The following MACROD1 variants were observed in gnomAD, a reference collection of about 807,000 sequenced individuals.
MACROD1 encodes the protein ADP-ribose glycohydrolase MACROD1.
A neutral mutation model predicts 41.4 loss-of-function variants in MACROD1; 31 were observed. The observed-to-expected ratio is 0.75, with a 90% CI of 0.56 to 1.01. MACROD1 has a LOEUF of 1.01. Ranked by LOEUF, MACROD1 falls within the 50% of genes least tolerant of loss-of-function variation. The pLI is 0.00. For synonymous variants in MACROD1, 252 were observed against 203.4 expected, an observed-to-expected ratio of 1.24 and a Z score of -2.03; for missense variants, 473 against 460.0, an observed-to-expected ratio of 1.03 and a Z score of -0.26.
chr11:64,092,605 CTCAT>C (rs1196963583), intron 3 of MACROD1, among the ~76,000 whole-genome samples: 1 of 152,274 alleles, frequency 6.6e-6, no homozygotes, highest in African/African-American at 2.4e-5. Flanking sequence ...CACTCCCACT[CTCAT>C]TCAGCCCTCA....
intron 3 of MACROD1, among the ~76,000 whole-genome samples, chr11:64,025,226 C>T (rs955242473): frequency 1.3e-5 from 2 of 152,164 alleles, no homozygotes; most frequent in Non-Finnish European, 2.9e-5. Flanking sequence ...TCAAAGTACT[C>T]AGATTACAGG....
intron 3 of MACROD1, among the ~76,000 whole-genome samples, chr11:64,135,614 G>A (rs1945321432): frequency 1.3e-5 from 2 of 152,230 alleles, no homozygotes. Context: ...AACATTTAGG[G>A]AGGAGGAAAA....
At chr11:64,027,044 G>A (rs1943232663) in intron 3 of MACROD1, among the ~76,000 whole-genome samples, 1 of 152,232 alleles carries the variant, frequency 6.6e-6, no homozygotes. Flanking sequence ...GACCTCATTT[G>A]CTTTGTACAT....
At chr11:64,066,294 C>CA (rs59963244) in intron 3 of MACROD1, among the ~76,000 whole-genome samples, 1,665 of 50,386 alleles carry the variant, frequency 0.033, 32 homozygotes, top group Non-Finnish European at 0.041. Flanking sequence ...GAGACTGTCT[C>CA]AAAAAAAAAA....
chr11:64,069,648 T>C (rs1565218407), intron 3 of MACROD1, among the ~76,000 whole-genome samples: 1 of 151,866 alleles, frequency 6.6e-6, no homozygotes, highest in African/African-American at 2.4e-5. Context: ...ATCCTGGGCA[T>C]GGGGAGGCAG....
At chr11:64,154,649 G>A (rs1219898942) in intron 1 of MACROD1, among the ~76,000 whole-genome samples, 2 of 152,182 alleles carry the variant, frequency 1.3e-5, no homozygotes, top group African/African-American at 4.8e-5. Context: ...CAGCCAGGCT[G>A]CTTCCTGCCC....
At chr11:64,040,734 T>C (rs1943468723) in intron 3 of MACROD1, among the ~76,000 whole-genome samples, 1 of 152,052 alleles carries the variant, frequency 6.6e-6, no homozygotes, top group Non-Finnish European at 1.5e-5. Context: ...GCAGAAACCC[T>C]CCCCAGCCCT....
chr11:64,068,329 G>GC lies in MACROD1; in HGVS notation c.518-53049_518-53048insG, dbSNP rs1383235040. Among the ~76,000 whole-genome samples the GC allele has an allele frequency of 1.8e-4, 27 of 152,310 alleles. No homozygotes were observed. The East Asian group carries it at 4.4e-3, about 25-fold the overall frequency. ...CGCCTGTCCCACTCTTCCGCCTTTG[G>GC]GGACAGTGATGCCTACCAGGCCCTG... On this transcript the variant is annotated intron_variant, in intron 3 of 10. Transcript: ENST00000255681.
At chr11:64,068,321 C>T (rs963811105) in intron 3 of MACROD1, among the ~76,000 whole-genome samples, 5 of 152,238 alleles carry the variant, frequency 3.3e-5, no homozygotes, top group East Asian at 1.9e-4. Context: ...CCCACTCTTC[C>T]GCCTTTGGGG....
chr11:64,021,039 C>T (rs1943146088), intron 3 of MACROD1, among the ~76,000 whole-genome samples: 1 of 152,180 alleles, frequency 6.6e-6, no homozygotes, highest in African/African-American at 2.4e-5. Flanking sequence ...TCTTGATACC[C>T]CCACTCCTGC....
rs570921814 is a variant in MACROD1, at chr11:64,086,185, C to A, written c.517+65054G>T. Reference sequence around the variant, plus strand: ...AGCCGGGACTCAACAGTGGGATCCCCCAGGGCTGGAGTGGGGAGGAGGGGC... The same window carrying A: ...AGCCGGGACTCAACAGTGGGATCCCACAGGGCTGGAGTGGGGAGGAGGGGC... On this transcript the variant is annotated intron_variant, in intron 3 of 10. Coordinates refer to ENST00000255681, the MANE Select transcript of MACROD1 (RefSeq NM_014067.4). 1.2e-3 allele frequency among the ~76,000 whole-genome samples: 177 copies of A among 152,284 alleles called. No individual in the cohort carries two copies. In the Middle Eastern group the frequency reaches 0.024, roughly 20 times the overall value.
intron 4 of MACROD1, among the ~76,000 whole-genome samples, chr11:64,002,846 C>T (rs1251428777): frequency 6.6e-6 from 1 of 152,196 alleles, no homozygotes; most frequent in Non-Finnish European, 1.5e-5. Context: ...TCCCTCTTCC[C>T]TCTTCCCACC....
chr11:64,157,306 C>G (rs1336514956), intron 1 of MACROD1, among the ~76,000 whole-genome samples: 4 of 152,146 alleles, frequency 2.6e-5, no homozygotes, highest in African/African-American at 9.7e-5. Flanking sequence ...GTTGCCCAAG[C>G]TGGTCGTGAA....
intron 3 of MACROD1, chr11:64,116,685 C>T (rs751831209): frequency 1.4e-5 from 23 of 1,613,774 alleles, no homozygotes; most frequent in South Asian, 1.2e-4. Flanking sequence ...CAACAATGTG[C>T]GCACCATTGC....
At chr11:64,055,403 G>A (rs1943766522) in intron 3 of MACROD1, among the ~76,000 whole-genome samples, 1 of 152,246 alleles carries the variant, frequency 6.6e-6, no homozygotes, top group South Asian at 2.1e-4. Flanking sequence ...AACGATGGGG[G>A]ATGGGTGCTT....
chr11:64,130,429 T>C (rs1047329615), intron 3 of MACROD1, among the ~76,000 whole-genome samples: 3 of 152,046 alleles, frequency 2.0e-5, no homozygotes, highest in African/African-American at 4.8e-5. Context: ...AAGCTTCCCT[T>C]CTCCTGCCCC....
Position 64,149,148 on chromosome 11 carries a change from C to G in MACROD1, c.517+2091G>C, listed in dbSNP as rs541263468. The G allele has an allele frequency of 3.4e-5, 14 of 414,884 alleles. No homozygotes were observed. In the South Asian group the frequency reaches 1.4e-3, roughly 41 times the overall value. The allele number at this position is 414,884 out of a possible 1,614,324, so 25.7% of individuals were successfully genotyped here. ...GGAGGTACCATGTCCCTCGGCACCG[C>G]TGGGACAGGGGTGATGCCCAGAACG... On this transcript the variant is annotated intron_variant, in intron 3 of 10. Transcript: ENST00000255681.
intron 3 of MACROD1, among the ~76,000 whole-genome samples, chr11:64,073,284 C>T (rs898485063): frequency 1.3e-5 from 2 of 152,196 alleles, no homozygotes; most frequent in African/African-American, 2.4e-5. Context: ...TGTGATCAAC[C>T]GGCTGTCACT....
At chr11:64,075,979 C>G (rs1944193499) in intron 3 of MACROD1, among the ~76,000 whole-genome samples, 1 of 152,236 alleles carries the variant, frequency 6.6e-6, no homozygotes, top group Non-Finnish European at 1.5e-5. Context: ...CGGCCTGGCC[C>G]TGTCTTCTTG....
Sources: gnomAD v4.1 joint callset for allele counts (sites outside exome capture counted in the v4.1 genomes callset) on GRCh38, gnomAD v4.1.1 for gene constraint, MANE v1.5 for transcripts, NCBI Gene and HGNC (gene_info 2026-07-23, HGNC 2026-07-21) for gene names.